NBAS: variants seen among roughly 807,000 people sequenced by gnomAD.
NBAS encodes NAG/BC035112 fusion.
A neutral mutation model predicts 302.5 loss-of-function variants in NBAS; 219 were observed. That is an observed-to-expected ratio of 0.72 (90% CI 0.65 to 0.81). The LOEUF is 0.81. Among genes scored for constraint, NBAS ranks in the 30% least tolerant of loss-of-function variants. The pLI, the probability that NBAS is intolerant of heterozygous loss-of-function variation, is 0.00. For missense variants in NBAS, 2,932 were observed against 2,841.6 expected, an observed-to-expected ratio of 1.03 and a Z score of -0.72; for synonymous variants, 1,118 against 1,021.6, an observed-to-expected ratio of 1.09 and a Z score of -1.80.
the NBAS span, among the ~76,000 whole-genome samples, chr2:15,020,265 C>T: frequency 3.9e-5 from 6 of 152,206 alleles, no homozygotes; most frequent in Admixed American, 6.5e-5. Flanking sequence ...TATTAATAAC[C>T]TTTTTAAGAA....
chr2:15,016,655 TA>T, the NBAS span, among the ~76,000 whole-genome samples: 1 of 151,868 alleles, frequency 6.6e-6, no homozygotes, highest in Non-Finnish European at 1.5e-5. Flanking sequence ...CAAAAGACCC[TA>T]AATAGCCAAA....
intron 47 of NBAS, among the ~76,000 whole-genome samples, chr2:15,232,093 A>G (rs1336589311): frequency 6.6e-6 from 1 of 152,144 alleles, no homozygotes; most frequent in Non-Finnish European, 1.5e-5. Flanking sequence ...ACACTTAATC[A>G]ATACAGTTAA....
chr2:14,954,366 TG>T, the NBAS span, among the ~76,000 whole-genome samples: 4 of 152,168 alleles, frequency 2.6e-5, no homozygotes, highest in Admixed American at 2.6e-4. Flanking sequence ...CCCATGCATT[TG>T]GAGATGAGTA....
At chr2:15,134,390 CTGT>C in the NBAS span, among the ~76,000 whole-genome samples, 2 of 152,118 alleles carry the variant, frequency 1.3e-5, no homozygotes, top group Non-Finnish European at 2.9e-5. Flanking sequence ...AAACAAACTG[CTGT>C]TGTTTTCAAG....
At chr2:15,305,386 T>C (rs1375253041) in intron 40 of NBAS, among the ~76,000 whole-genome samples, 1 of 151,914 alleles carries the variant, frequency 6.6e-6, no homozygotes, top group East Asian at 1.9e-4. Flanking sequence ...TCCCCAGCCA[T>C]GCTCCATGCT....
the NBAS span, among the ~76,000 whole-genome samples, chr2:15,098,380 A>AT: frequency 2.0e-3 from 68 of 33,742 alleles, 15 homozygotes; most frequent in African/African-American, 8.8e-3. Flanking sequence ...TATATTATAT[A>AT]TGATATATTG....
chr2:15,057,250 G>A, the NBAS span, among the ~76,000 whole-genome samples: 24 of 148,502 alleles, frequency 1.6e-4, no homozygotes, highest in South Asian at 3.0e-3. Context: ...CAAGCACTCC[G>A]TGTTCTCAGC....
At chr2:14,845,156 A>T in the NBAS span, among the ~76,000 whole-genome samples, 4 of 152,230 alleles carry the variant, frequency 2.6e-5, no homozygotes, top group Non-Finnish European at 4.4e-5. Context: ...TGTAGTGGCC[A>T]CAGGGGTGCT....
At chr2:15,544,883 C>T (rs957498701) in intron 6 of NBAS, among the ~76,000 whole-genome samples, 1 of 151,964 alleles carries the variant, frequency 6.6e-6, no homozygotes, top group Non-Finnish European at 1.5e-5. Context: ...TTGTGGTGCA[C>T]GCCTGTGATC....
chr2:14,890,947 A>G, the NBAS span, among the ~76,000 whole-genome samples: 1 of 152,382 alleles, frequency 6.6e-6, no homozygotes, highest in Non-Finnish European at 1.5e-5. Flanking sequence ...TTGGTAAATA[A>G]AAAGATTATT....
chr2:15,332,141 C>T (rs1270757853), intron 35 of NBAS, among the ~76,000 whole-genome samples: 1 of 152,150 alleles, frequency 6.6e-6, no homozygotes, highest in African/African-American at 2.4e-5. Context: ...ATAATGCAGA[C>T]CTCAGTCCTA....
At chr2:14,924,460 T>C in the NBAS span, among the ~76,000 whole-genome samples, 11 of 152,238 alleles carry the variant, frequency 7.2e-5, no homozygotes, top group Non-Finnish European at 1.5e-4. Context: ...TCTCCAGATA[T>C]ATGCAAAAGG....
intron 22 of NBAS, among the ~76,000 whole-genome samples, chr2:15,427,228 C>T (rs977105535): frequency 1.3e-5 from 2 of 151,934 alleles, no homozygotes; most frequent in African/African-American, 2.4e-5. Flanking sequence ...AGTATTTACC[C>T]GACTTTGAGG....
At chr2:15,113,006 AC>A in the NBAS span, among the ~76,000 whole-genome samples, 1 of 152,174 alleles carries the variant, frequency 6.6e-6, no homozygotes, top group Non-Finnish European at 1.5e-5. Flanking sequence ...TGCTCTGACA[AC>A]ATAGACATAG....
At chr2:15,202,674 G>C (rs969943228) in intron 48 of NBAS, among the ~76,000 whole-genome samples, 1 of 152,088 alleles carries the variant, frequency 6.6e-6, no homozygotes, top group Non-Finnish European at 1.5e-5. Flanking sequence ...CGAGTAGCTG[G>C]GATTACAGGC....
chr2:15,160,056 A>G, the NBAS span, among the ~76,000 whole-genome samples: 1 of 152,196 alleles, frequency 6.6e-6, no homozygotes, highest in Non-Finnish European at 1.5e-5. Context: ...GACAGGATGT[A>G]AAAGGCTTTG....
intron 44 of NBAS, among the ~76,000 whole-genome samples, chr2:15,240,987 G>C (rs1667842386): frequency 1.3e-5 from 2 of 152,062 alleles, no homozygotes; most frequent in Admixed American, 1.3e-4. Flanking sequence ...TGGCATGTTA[G>C]GGGTCATCGT....
chr2:15,426,736 C>T (rs1234046444), intron 22 of NBAS, among the ~76,000 whole-genome samples: 5 of 152,050 alleles, frequency 3.3e-5, no homozygotes, highest in East Asian at 3.8e-4. Flanking sequence ...CTTTCAGTTC[C>T]GTTTTCCGTA....
At chr2:15,472,706 G>A (rs1159487889) in intron 16 of NBAS, among the ~76,000 whole-genome samples, 2 of 152,144 alleles carry the variant, frequency 1.3e-5, no homozygotes, top group Admixed American at 6.5e-5. Context: ...CCTACATGCT[G>A]CAACCACTCC....
Sources: gnomAD v4.1 joint callset for allele counts (sites outside exome capture counted in the v4.1 genomes callset) on GRCh38, gnomAD v4.1.1 for gene constraint, MANE v1.5 for transcripts, NCBI Gene and HGNC (gene_info 2026-07-23, HGNC 2026-07-21) for gene names.